The following MAP4 variants were observed in gnomAD, a reference collection of about 807,000 sequenced individuals.
MAP4 encodes microtubule-associated protein 4.
A neutral mutation model predicts 170.2 loss-of-function variants in MAP4; 76 were observed. That is an observed-to-expected ratio of 0.45 (90% confidence interval 0.37 to 0.54). The LOEUF (loss-of-function observed/expected upper bound fraction) is 0.54. Among genes scored for constraint, MAP4 ranks in the 20% least tolerant of loss-of-function variants. The probability of loss-of-function intolerance (pLI) is 0.00; values close to 1 mark genes in which losing one functional copy is unlikely to be tolerated. For synonymous variants in MAP4, 909 were observed against 994.5 expected, an observed-to-expected ratio of 0.91 and a Z score of 1.62; for missense variants, 2,506 against 2,748.0, an observed-to-expected ratio of 0.91 and a Z score of 1.97.
intron 1 of MAP4, among the ~76,000 whole-genome samples, chr3:48,064,227 G>T (rs886121565): frequency 6.6e-6 from 1 of 152,112 alleles, no homozygotes; most frequent in Non-Finnish European, 1.5e-5. Flanking sequence ...TACTCCTGGG[G>T]ATAACATCAT....
intron 1 of MAP4, among the ~76,000 whole-genome samples, chr3:48,056,468 G>A (rs865831596): frequency 1.5e-4 from 10 of 65,338 alleles, no homozygotes; most frequent in African/African-American, 3.9e-4. Flanking sequence ...CTGGCCAGCC[G>A]CCCCGTCCGG....
intron 1 of MAP4, among the ~76,000 whole-genome samples, chr3:48,005,236 C>T (rs1416286313): frequency 6.6e-6 from 1 of 152,158 alleles, no homozygotes; most frequent in Admixed American, 6.5e-5. Context: ...TGGTGCACCC[C>T]TGTAATCCCA....
chr3:48,020,084 C>T (rs1040644406), upstream of MAP4, among the ~76,000 whole-genome samples: 2 of 152,028 alleles, frequency 1.3e-5, no homozygotes, highest in African/African-American at 4.8e-5. Flanking sequence ...CAGGGTTTCA[C>T]CATGTTAGTC....
In MAP4 at chr3:47,916,087, T is replaced by G. The variant is rs749346191; in HGVS notation, c.1740A>C (p.Ser580=). The G allele has an allele frequency of 1.2e-6, 2 of 1,614,240 alleles. No homozygotes were observed. Among genetic ancestry groups the G allele is most frequent in the Non-Finnish European group, 1.7e-6 (2 of 1,180,030 alleles). The change falls in exon 7 of 21, where the codon TCA becomes TCC. Residue 580 remains serine (S), a synonymous_variant. Transcript: ENST00000683076. Reference sequence around the variant, plus strand: ...TTGGAACTGGTGTTGCCTCTGTTTCTGAGAGTGGTGGAACATCTTTGGCTG... The same window carrying G: ...TTGGAACTGGTGTTGCCTCTGTTTCGGAGAGTGGTGGAACATCTTTGGCTG... The part of the protein sequence containing the change: ...VTPAKDVPPL[S]ETEATPVPIK...
At chr3:48,007,609 G>A (rs2100103069) in intron 1 of MAP4, among the ~76,000 whole-genome samples, 1 of 152,006 alleles carries the variant, frequency 6.6e-6, no homozygotes, top group South Asian at 2.1e-4. Flanking sequence ...TCCCATAGGT[G>A]AATCGCAATG....
At position 47,902,907 on chromosome 3, in the gene MAP4, G is replaced by A. The variant is rs530883270; in HGVS notation, c.5434+43C>T. ...GGCCTTGAAACTGTTAGAATTCTGG[G>A]TTTATAAATTACTTCAAGTTTCACA... On this transcript the variant is annotated intron_variant, in intron 10 of 20. Coordinates refer to ENST00000683076, the MANE Select transcript of MAP4 (RefSeq NM_001385682.1). 595 of 924,180 alleles carry A rather than the reference G, an allele frequency of 6.4e-4. 11 individuals are homozygous for A. The South Asian group carries it at 0.026, about 41-fold the overall frequency. 57.2% of individuals were successfully genotyped at this position (924,180 alleles called of 1,614,324 possible). A position where few individuals can be genotyped will look rare whatever the true frequency, so the allele number is the denominator to read the frequency against.
At chr3:47,858,929 C>A (rs1450070816) in intron 17 of MAP4, among the ~76,000 whole-genome samples, 1 of 152,058 alleles carries the variant, frequency 6.6e-6, no homozygotes, top group Non-Finnish European at 1.5e-5. Flanking sequence ...GAGATCGAGA[C>A]CATCCTGGCT....
At chr3:47,962,241 G>A (rs1325091741) in intron 3 of MAP4, among the ~76,000 whole-genome samples, 1 of 152,190 alleles carries the variant, frequency 6.6e-6, no homozygotes, top group Non-Finnish European at 1.5e-5. Flanking sequence ...TCAGCAAGAA[G>A]CAGCACTGGT....
At chr3:48,063,089 T>C (rs2100136697) in intron 1 of MAP4, among the ~76,000 whole-genome samples, 1 of 151,334 alleles carries the variant, frequency 6.6e-6, no homozygotes, top group South Asian at 2.1e-4. Context: ...ACAACAATAA[T>C]TCTGACAACC....
chr3:47,928,295 G>A lies in MAP4; in HGVS notation c.348C>T (p.Ser116=). Residue 116 remains serine, a synonymous_variant, in exon 4 of 21, where the codon AGC becomes AGT. Coordinates refer to ENST00000683076, the MANE Select transcript of MAP4 (RefSeq NM_001385682.1). The part of the protein sequence containing the change: ...EKMAYQEYPN[S]QNWPEDTNFC... The stretch of plus-strand genomic sequence containing the variant: ...AGTTGGTATCTTCTGGCCAGTTCTG[G>A]CTATTTGGGTATTCCTGGTAGGCCA... 1 of 1,614,070 alleles carries A rather than the reference G, an allele frequency of 6.2e-7. No homozygotes were observed. The highest frequency in any genetic ancestry group is 8.5e-7 in the Non-Finnish European group (1 of 1,179,948).
At position 47,969,859 on chromosome 3, in the gene MAP4, C is replaced by CA. The variant is rs1191663864; in HGVS notation, c.292+8005dup. 7.7e-3 allele frequency among the ~76,000 whole-genome samples: 776 copies of CA among 101,398 alleles called. 6 individuals carry two copies. The highest frequency in any genetic ancestry group is 0.015 in the African/African-American group (416 of 26,898). 66.5% of individuals were successfully genotyped at this position (101,398 alleles called of 152,430 possible). ...TGGGCGACAGAGCAAGACTCTGTCT[C>CA]AAAAAAAAAAAAAAGAGTCTTAAGC... On this transcript the variant is annotated intron_variant, in intron 3 of 20. Transcript: ENST00000683076.
At chr3:47,867,006 C>T (rs556716717) in intron 17 of MAP4, among the ~76,000 whole-genome samples, 1 of 152,148 alleles carries the variant, frequency 6.6e-6, no homozygotes, top group Non-Finnish European at 1.5e-5. Context: ...CCAAAGCCTC[C>T]CACCCATATG....
intron 1 of MAP4, among the ~76,000 whole-genome samples, chr3:48,044,391 G>A (rs1043787117): frequency 1.2e-4 from 18 of 151,590 alleles, no homozygotes; most frequent in African/African-American, 4.4e-4. Flanking sequence ...TCCTGACCTC[G>A]TGATCCACCC....
chr3:47,935,847 G>C (rs944759228), intron 3 of MAP4, among the ~76,000 whole-genome samples: 3 of 150,374 alleles, frequency 2.0e-5, no homozygotes, highest in Non-Finnish European at 4.4e-5. Flanking sequence ...GCTGAGACAG[G>C]AGAATTGCTT....
At chr3:47,856,214 T>C (rs770931945) in intron 18 of MAP4, among the ~76,000 whole-genome samples, 4 of 152,182 alleles carry the variant, frequency 2.6e-5, no homozygotes, top group Non-Finnish European at 4.4e-5. Context: ...TCAGCTCACA[T>C]GGCAGACCTC....
chr3:47,855,210 C>G lies in MAP4; in HGVS notation c.6696+38G>C. ...TGACCCTAACTGCATAGTTCCCACCCCTCCCCAGCTGTGTCTCCCCAGTGA... is the reference window on the plus strand; with the variant it reads ...TGACCCTAACTGCATAGTTCCCACCGCTCCCCAGCTGTGTCTCCCCAGTGA... On this transcript the variant is annotated intron_variant, in intron 19 of 20. Coordinates refer to ENST00000683076, the MANE Select transcript of MAP4 (RefSeq NM_001385682.1). The surrounding 1 kb of genome is among the most constrained non-coding windows in gnomAD (Gnocchi z 5.1). 6.9e-7 allele frequency: 1 copy of G among 1,453,538 alleles called. No homozygotes were observed. The highest frequency in any genetic ancestry group is 9.7e-7 in the Non-Finnish European group (1 of 1,034,092). 90.0% of individuals were successfully genotyped at this position (1,453,538 alleles called of 1,614,324 possible).
chr3:47,928,870 T>C (rs1296275221), intron 3 of MAP4, among the ~76,000 whole-genome samples: 1 of 149,376 alleles, frequency 6.7e-6, no homozygotes, highest in African/African-American at 2.4e-5. Flanking sequence ...AGGTATAACA[T>C]GCTCAGGAAT....
chr3:47,936,121 A>C (rs1176222318), intron 3 of MAP4, among the ~76,000 whole-genome samples: 1 of 151,326 alleles, frequency 6.6e-6, no homozygotes, highest in Non-Finnish European at 1.5e-5. Context: ...AGGGTGGGAG[A>C]GAGACAAAGA....
intron 5 of MAP4, among the ~76,000 whole-genome samples, chr3:47,919,222 C>T (rs189052248): frequency 3.6e-3 from 548 of 150,488 alleles, no homozygotes; most frequent in Non-Finnish European, 5.0e-3. Context: ...TGAACCACCG[C>T]GCCCGGCCTA....
Sources: gnomAD v4.1 joint callset for allele counts (sites outside exome capture counted in the v4.1 genomes callset) on GRCh38, gnomAD v4.1.1 for gene constraint, Gnocchi (gnomAD v3.1) non-coding constraint, MANE v1.5 for transcripts, NCBI Gene and HGNC (gene_info 2026-07-23, HGNC 2026-07-21) for gene names.